Variants in DCC observed in about 807,000 individuals in gnomAD.
The protein encoded by DCC is netrin receptor DCC.
Under a neutral mutation model 172.5 loss-of-function variants are expected in DCC, and 58 were observed. The ratio of observed to expected loss-of-function variants is 0.34; its 90% CI spans 0.27 to 0.42. The LOEUF is 0.42. Ranked by LOEUF, DCC falls within the 10% of genes least tolerant of loss-of-function variation. The pLI, the probability that DCC is intolerant of heterozygous loss-of-function variation, is 1.00. For missense variants in DCC, 1,740 were observed against 1,791.0 expected, an observed-to-expected ratio of 0.97 and a Z score of 0.51; for synonymous variants, 709 against 644.5, an observed-to-expected ratio of 1.10 and a Z score of -1.52.
At chr18:53,232,377 T>C (rs1310674539) in intron 12 of DCC, among the ~76,000 whole-genome samples, 1 of 152,218 alleles carries the variant, frequency 6.6e-6, no homozygotes, top group East Asian at 1.9e-4. Context: ...ATTATTCAGA[T>C]GTGCTACAAT....
chr18:52,431,540 A>T (rs1395258845), intron 1 of DCC, among the ~76,000 whole-genome samples: 2 of 152,160 alleles, frequency 1.3e-5, no homozygotes, highest in South Asian at 2.1e-4. Flanking sequence ...GAAGAAAAAA[A>T]TGAAGAAAAA....
At chr18:53,446,475 C>T (rs1393905769) in intron 22 of DCC, among the ~76,000 whole-genome samples, 1 of 152,188 alleles carries the variant, frequency 6.6e-6, no homozygotes, top group Non-Finnish European at 1.5e-5. Flanking sequence ...GGCAATGTCA[C>T]TTGCCCCTTC....
At chr18:53,379,194 G>C (rs756590307) in intron 15 of DCC, among the ~76,000 whole-genome samples, 11 of 152,212 alleles carry the variant, frequency 7.2e-5, no homozygotes, top group South Asian at 4.1e-4. Flanking sequence ...AGGTATCTGC[G>C]TTAGCAAAGC....
At chr18:52,714,849 T>A (rs2036352584) in intron 1 of DCC, among the ~76,000 whole-genome samples, 1 of 152,236 alleles carries the variant, frequency 6.6e-6, no homozygotes, top group South Asian at 2.1e-4. Context: ...AAAGATGTTG[T>A]CTTTGATAGT....
At chr18:52,893,124 A>C (rs1031915855) in intron 2 of DCC, among the ~76,000 whole-genome samples, 5 of 152,086 alleles carry the variant, frequency 3.3e-5, no homozygotes, top group Admixed American at 6.6e-5. Context: ...TACTCTCTCT[A>C]CTGCATCTTT....
At chr18:53,069,770 C>G (rs1220216584) in intron 7 of DCC, among the ~76,000 whole-genome samples, 1 of 152,082 alleles carries the variant, frequency 6.6e-6, no homozygotes, top group Admixed American at 6.6e-5. Flanking sequence ...GGAGAAGCGA[C>G]CTGAGAGACT....
intron 7 of DCC, among the ~76,000 whole-genome samples, chr18:53,135,158 TTGGAA>T (rs2043721049): frequency 6.6e-6 from 1 of 152,146 alleles, no homozygotes; most frequent in Non-Finnish European, 1.5e-5. Context: ...TCTCAGCTTA[TTGGAA>T]CAGACTGACG....
Position 53,305,690 on chromosome 18 carries a change from A to G in DCC, c.2024A>G (p.Glu675Gly), listed in dbSNP as rs745988532. The G allele has an allele frequency of 1.1e-5, 17 of 1,613,914 alleles. No homozygotes were observed. The highest frequency in any genetic ancestry group is 3.3e-5 in the Admixed American group (2 of 59,998). ...CGCAGGGGTGAGATGGAAACACTGG[A>G]GCCAAACAACCTCTGGTACCTATTC... ...TTRRGEMETL[E>G]PNNLWYLFTG... The change falls in exon 13 of 29, where the codon GAG becomes GGG. Residue 675 changes from glutamate (E) to glycine (G), a missense_variant. Around this residue, in one of 2 missense-constraint regions of DCC, gnomAD observed 1,732 missense variants for 1,767.4 expected, o/e 0.98. Transcript: ENST00000442544.
chr18:53,128,864 CACACACATATATAT>C (rs1323733113), intron 7 of DCC, among the ~76,000 whole-genome samples: 64 of 72,116 alleles, frequency 8.9e-4, no homozygotes, highest in Non-Finnish European at 1.1e-3. Context: ...CACACACACA[CACACACATATATAT>C]ATATATATAT....
At chr18:52,562,941 A>G (rs1476061349) in intron 1 of DCC, among the ~76,000 whole-genome samples, 1 of 152,020 alleles carries the variant, frequency 6.6e-6, no homozygotes, top group African/African-American at 2.4e-5. Flanking sequence ...TAATCATTTT[A>G]TTGAAACAAC....
chr18:52,699,233 G>A (rs535043054), intron 1 of DCC, among the ~76,000 whole-genome samples: 8 of 152,240 alleles, frequency 5.3e-5, no homozygotes, highest in South Asian at 2.1e-4. Flanking sequence ...TTATGACCGG[G>A]AGCCTCAGAG....
chr18:53,190,187 A>G (rs1041088977), intron 9 of DCC, among the ~76,000 whole-genome samples: 4 of 152,084 alleles, frequency 2.6e-5, no homozygotes, highest in South Asian at 2.1e-4. Flanking sequence ...CAGCCTCTCA[A>G]AGTGCTGGGA....
chr18:53,444,059 T>C (rs1357112378), intron 22 of DCC, among the ~76,000 whole-genome samples: 1 of 152,194 alleles, frequency 6.6e-6, no homozygotes, highest in Non-Finnish European at 1.5e-5. Context: ...GAAGTGACAA[T>C]GAAAGATTGG....
chr18:53,220,064 G>T (rs529187946), intron 12 of DCC, among the ~76,000 whole-genome samples: 1 of 152,190 alleles, frequency 6.6e-6, no homozygotes, highest in South Asian at 2.1e-4. Context: ...ATAGCCAAGT[G>T]GGTGGCTGAG....
chr18:53,276,731 GAAGA>G (rs535353653), intron 12 of DCC, among the ~76,000 whole-genome samples: 51 of 152,276 alleles, frequency 3.3e-4, no homozygotes, highest in Non-Finnish European at 5.1e-4. Flanking sequence ...GAGCTTGGGA[GAAGA>G]AAGAGCCAAA....
chr18:52,814,871 G>A (rs1265464708), intron 2 of DCC, among the ~76,000 whole-genome samples: 4 of 152,032 alleles, frequency 2.6e-5, no homozygotes, highest in African/African-American at 9.7e-5. Context: ...TTAAGACGTT[G>A]GTACAGTGAG....
intron 7 of DCC, among the ~76,000 whole-genome samples, chr18:53,134,259 C>T (rs4315409): frequency 0.31 from 47,057 of 152,070 alleles, 9,102 homozygotes; most frequent in East Asian, 0.58. Flanking sequence ...TAAAGCAGGA[C>T]ATGCACTTAA....
intron 12 of DCC, among the ~76,000 whole-genome samples, chr18:53,261,259 T>C (rs895165656): frequency 7.9e-5 from 12 of 152,124 alleles, no homozygotes; most frequent in Admixed American, 7.9e-4. Flanking sequence ...GGTACCTCAG[T>C]TGGAAATGCA....
intron 1 of DCC, among the ~76,000 whole-genome samples, chr18:52,378,759 A>G (rs533331074): frequency 6.6e-6 from 1 of 152,002 alleles, no homozygotes; most frequent in Admixed American, 6.6e-5. Flanking sequence ...TGTAGCCCAG[A>G]CTGTTCTGGA....
Sources: allele counts gnomAD v4.1 joint callset (sites outside exome capture counted in the v4.1 genomes callset), GRCh38; gene constraint gnomAD v4.1.1; regional missense constraint gnomAD v4.1.1; transcripts MANE v1.5; gene names NCBI Gene and HGNC (gene_info 2026-07-23, HGNC 2026-07-21).